PIEZO2: variants seen among roughly 807,000 people sequenced by gnomAD.
PIEZO2 encodes the protein piezo type mechanosensitive ion channel component 2, also known as piezo-type mechanosensitive ion channel component 2.
In PIEZO2, 172 loss-of-function variants were observed where a neutral mutation model predicts 337.3. The observed-to-expected ratio is 0.51, with a 90% CI of 0.45 to 0.58. PIEZO2 has a LOEUF of 0.58. Ranked by LOEUF, PIEZO2 falls within the 20% of genes least tolerant of loss-of-function variation. PIEZO2 has a pLI of 0.00. For missense variants in PIEZO2, 3,028 were observed against 3,391.3 expected (o/e 0.89, Z 2.66); for synonymous variants, 1,251 against 1,228.5 (o/e 1.02, Z -0.38).
intron 2 of PIEZO2, among the ~76,000 whole-genome samples, chr18:11,054,669 A>G (rs1818305550): frequency 6.6e-6 from 1 of 152,236 alleles, no homozygotes; most frequent in African/African-American, 2.4e-5. Flanking sequence ...CTTCCTGCCA[A>G]ACACTCCCTC....
chr18:10,887,115 A>ACTGGAGT (rs1238785488), intron 4 of PIEZO2, among the ~76,000 whole-genome samples: 11 of 141,074 alleles, frequency 7.8e-5, no homozygotes, highest in African/African-American at 2.4e-4. Flanking sequence ...TGTTGACCAG[A>ACTGGAGT]CTGGAGTGCA....
chr18:10,977,001 ATGTGTGTGTG>A lies in PIEZO2; in HGVS notation c.286+2524_286+2533del, dbSNP rs59666101. Among the ~76,000 whole-genome samples the A allele has an allele frequency of 4.6e-3, 654 of 142,908 alleles. 7 individuals carry two copies. Among genetic ancestry groups the A allele is most frequent in the African/African-American group, 0.013 (516 of 38,516 alleles). 93.8% of individuals were successfully genotyped at this position (142,908 alleles called of 152,430 possible). On this transcript the variant is annotated intron_variant, in intron 3 of 55. Coordinates refer to ENST00000674853, the MANE Select transcript of PIEZO2 (RefSeq NM_001378183.1). ...AGAAGGAGCCAAAGCAAGAACAAAT[ATGTGTGTGTG>A]TGTGTGTGTGTGTGTGTGTGTGTGT...
intron 1 of PIEZO2, among the ~76,000 whole-genome samples, chr18:11,121,146 G>A (rs1441321864): frequency 6.6e-6 from 1 of 152,136 alleles, no homozygotes; most frequent in Non-Finnish European, 1.5e-5. Context: ...CCACCTACTC[G>A]GGAGGCTAGG....
At position 11,080,530 on chromosome 18, in the gene PIEZO2, G is replaced by T. The variant is rs917581580; in HGVS notation, c.65-14308C>A. Reference sequence around the variant, plus strand: ...GCAGAATGAATAAAGGAATAAAGGGGTTACCTTCCTTGGCCCTCAAAAACA... The same window carrying T: ...GCAGAATGAATAAAGGAATAAAGGGTTTACCTTCCTTGGCCCTCAAAAACA... On this transcript the variant is annotated intron_variant, in intron 1 of 55. Transcript: ENST00000674853. The surrounding 1 kb of genome is among the most constrained non-coding windows in gnomAD (Gnocchi z 5.4). Among the ~76,000 whole-genome samples, 1 of 152,160 alleles carries T rather than the reference G, an allele frequency of 6.6e-6. No homozygotes were observed. The highest frequency in any genetic ancestry group is 1.5e-5 in the Non-Finnish European group (1 of 68,032).
chr18:10,715,821 G>A lies in PIEZO2; in HGVS notation c.5090-5C>T. On this transcript the variant is annotated splice_region_variant and splice_polypyrimidine_tract_variant and intron_variant, in intron 37 of 55. Transcript: ENST00000674853. ...ATATCCTCTTGATGATATTATCTAG[G>A]AGGAAGAAAGGCAACAAGATGTTAA... 6.6e-7 allele frequency: 1 copy of A among 1,514,134 alleles called. No individual in the cohort carries two copies. Among genetic ancestry groups the A allele is most frequent in the Non-Finnish European group, 8.8e-7 (1 of 1,131,912 alleles). 93.8% of individuals were successfully genotyped at this position (1,514,134 alleles called of 1,614,324 possible).
chr18:10,702,591 G>A (rs886307260), intron 42 of PIEZO2, among the ~76,000 whole-genome samples: 1 of 152,168 alleles, frequency 6.6e-6, no homozygotes, highest in Non-Finnish European at 1.5e-5. Flanking sequence ...CAATCTATAG[G>A]AGCATATCAC....
intron 15 of PIEZO2, among the ~76,000 whole-genome samples, chr18:10,788,027 G>T (rs961558353): frequency 6.6e-6 from 1 of 152,094 alleles, no homozygotes; most frequent in Non-Finnish European, 1.5e-5. Context: ...TGACCCTAAA[G>T]CCTGAAATGC....
Position 11,066,227 on chromosome 18 carries a change from G to C in PIEZO2, c.65-5C>G. On this transcript the variant is annotated splice_polypyrimidine_tract_variant and splice_region_variant and intron_variant, in intron 1 of 55. Coordinates refer to ENST00000674853, the MANE Select transcript of PIEZO2 (RefSeq NM_001378183.1). ...CATTGTATCGGAATGCACATGCTGT[G>C]GGTGGGAAGAGAGAAGAGAGTGAGA... The C allele has an allele frequency of 6.5e-7, 1 of 1,533,534 alleles. No individual in the cohort carries two copies. The highest frequency in any genetic ancestry group is 8.7e-7 in the Non-Finnish European group (1 of 1,143,744). 95.0% of individuals were successfully genotyped at this position (1,533,534 alleles called of 1,614,324 possible).
intron 21 of PIEZO2, among the ~76,000 whole-genome samples, chr18:10,764,936 T>C (rs2038290104): frequency 6.6e-6 from 1 of 152,232 alleles, no homozygotes; most frequent in Non-Finnish European, 1.5e-5. Flanking sequence ...AAGCAAACCC[T>C]ATTAAAGATG....
At chr18:10,725,478 C>A in intron 36 of PIEZO2, 1 of 1,522,392 alleles carries the variant, frequency 6.6e-7, no homozygotes. Context: ...TGTGGGTATC[C>A]GGGTGGATGG....
In PIEZO2 at chr18:10,767,331, T is replaced by G. The variant is rs1357330482; in HGVS notation, c.2946+2817A>C. On this transcript the variant is annotated intron_variant, in intron 21 of 55. Coordinates refer to ENST00000674853, the MANE Select transcript of PIEZO2 (RefSeq NM_001378183.1). The surrounding 1 kb of genome is among the most constrained non-coding windows in gnomAD (Gnocchi z 4.2). ...CTTCATGATGCTAACTTTGAAAAGG[T>G]TTAATATTTGCAGGAGAGATGAACC... 2.6e-5 allele frequency among the ~76,000 whole-genome samples: 4 copies of G among 152,040 alleles called. No individual in the cohort carries two copies. The highest frequency in any genetic ancestry group is 5.9e-5 in the Non-Finnish European group (4 of 68,020).
intron 17 of PIEZO2, among the ~76,000 whole-genome samples, chr18:10,780,862 T>C (rs959516537): frequency 1.4e-4 from 22 of 151,850 alleles, no homozygotes; most frequent in African/African-American, 5.3e-4. Flanking sequence ...GGGGTTTTAC[T>C]ATGTTGGCTT....
At chr18:10,723,700 A>C (rs2036414931) in intron 36 of PIEZO2, among the ~76,000 whole-genome samples, 1 of 152,110 alleles carries the variant, frequency 6.6e-6, no homozygotes, top group Non-Finnish European at 1.5e-5. Flanking sequence ...GGGAGACGGG[A>C]TTGGACTGAG....
chr18:11,124,506 C>A (rs143687130), intron 1 of PIEZO2, among the ~76,000 whole-genome samples: 41 of 152,274 alleles, frequency 2.7e-4, no homozygotes, highest in Middle Eastern at 3.4e-3. Flanking sequence ...CTAGAAGATA[C>A]GTGCCGAATG....
intron 3 of PIEZO2, among the ~76,000 whole-genome samples, chr18:10,933,926 C>T (rs1353833340): frequency 6.6e-6 from 1 of 152,184 alleles, no homozygotes; most frequent in Non-Finnish European, 1.5e-5. Context: ...TCTTGCTTCC[C>T]CTTTGCTTTT....
At chr18:10,694,639 T>A (rs1277146056) in intron 47 of PIEZO2, among the ~76,000 whole-genome samples, 1 of 152,098 alleles carries the variant, frequency 6.6e-6, no homozygotes, top group Non-Finnish European at 1.5e-5. Context: ...GAGACCAGCC[T>A]GGGTAACATA....
intron 36 of PIEZO2, among the ~76,000 whole-genome samples, chr18:10,718,845 A>G (rs754648274): frequency 1.3e-5 from 2 of 151,962 alleles, no homozygotes; most frequent in Non-Finnish European, 2.9e-5. Flanking sequence ...AAATCAAAAT[A>G]TTAGCTGGGT....
chr18:10,870,321 G>A lies in PIEZO2; in HGVS notation c.492+932C>T, dbSNP rs2042109646. ...AAGTGAGAATTTTCCTCCCTCAATG[G>A]CTCATCGGTTAACATTCTCAATATA... On this transcript the variant is annotated intron_variant, in intron 5 of 55. Transcript: ENST00000674853. The surrounding 1 kb of genome is among the most constrained non-coding windows in gnomAD (Gnocchi z 5.3). Among the ~76,000 whole-genome samples, 1 of 152,040 alleles carries A rather than the reference G, an allele frequency of 6.6e-6. No individual in the cohort carries two copies. The highest frequency in any genetic ancestry group is 2.4e-5 in the African/African-American group (1 of 41,382).
At chr18:11,100,817 G>C (rs147478074) in intron 1 of PIEZO2, among the ~76,000 whole-genome samples, 46 of 152,212 alleles carry the variant, frequency 3.0e-4, no homozygotes, top group Admixed American at 2.0e-3. Flanking sequence ...GGATGGTCTC[G>C]ATCTCCTGAC....
Sources: allele counts gnomAD v4.1 joint callset (sites outside exome capture counted in the v4.1 genomes callset), GRCh38; gene constraint gnomAD v4.1.1; non-coding constraint Gnocchi (gnomAD v3.1); transcripts MANE v1.5; gene names NCBI Gene and HGNC (gene_info 2026-07-23, HGNC 2026-07-21).